Variants in MGAM2 observed in about 807,000 individuals in gnomAD.
MGAM2 encodes the protein maltase-glucoamylase 2 (putative).
A neutral mutation model predicts 96.1 loss-of-function variants in MGAM2; 98 were observed. That is an observed-to-expected ratio of 1.02 (90% CI 0.87 to 1.21). MGAM2 has a LOEUF of 1.21. Among genes scored for constraint, MGAM2 ranks in the 50% most tolerant of loss-of-function variants. The probability of loss-of-function intolerance (pLI) is 0.00; values close to 1 mark genes in which losing one functional copy is unlikely to be tolerated. For synonymous variants in MGAM2, 749 were observed against 414.8 expected (o/e 1.81, Z -9.79); for missense variants, 2,055 against 1,182.4 (o/e 1.74, Z -10.82).
chr7:142,167,315 TA>T lies in MGAM2; in HGVS notation c.2858del (p.Asn953IlefsTer10), dbSNP rs1476906058. Reference protein sequence around the residue: ...VPTCYYDTIPNYVASDIQYLN... With the variant: ...VPTCYYDTIPXYVASDIQYLN... ...CCACCTGTTACTATGACACCATCCC[TA>T]ATTATGTTGCTAGTGATATTCAGTA... On this transcript the variant is annotated frameshift_variant, in exon 26 of 48. Transcript: ENST00000477922. LOFTEE classifies it high-confidence loss of function. 1.3e-5 allele frequency: 9 copies of T among 702,676 alleles called. No homozygotes were observed. The highest frequency in any genetic ancestry group is 1.8e-5 in the Non-Finnish European group (7 of 384,902). 43.5% of individuals were successfully genotyped at this position (702,676 alleles called of 1,614,324 possible). A position where few individuals can be genotyped will look rare whatever the true frequency, so the allele number is the denominator to read the frequency against.
At chr7:142,216,640 G>C (rs1021181290) in intron 46 of MGAM2, among the ~76,000 whole-genome samples, 1 of 152,076 alleles carries the variant, frequency 6.6e-6, no homozygotes, top group South Asian at 2.1e-4. Context: ...GCATCAGCTG[G>C]CTTGCAAAAT....
In MGAM2 at chr7:142,220,022, C is replaced by T; in HGVS notation, c.5511C>T (p.Thr1837=). The T allele has an allele frequency of 2.8e-6, 2 of 702,936 alleles. No individual in the cohort carries two copies. Among genetic ancestry groups the T allele is most frequent in the Non-Finnish European group, 5.2e-6 (2 of 384,948 alleles). The allele number at this position is 702,936 out of a possible 1,614,324, so 43.5% of individuals were successfully genotyped here. A position where few individuals can be genotyped will look rare whatever the true frequency, so the allele number is the denominator to read the frequency against. Residue 1837 remains threonine (T), a synonymous_variant, in exon 48 of 48, where the codon ACC becomes ACT. Transcript: ENST00000477922. The part of the protein sequence containing the change: ...SHPSPSTTNA[T]SSETITSSAS... ...CTTCTCCATCTACTACCAATGCCAC[C>T]AGTTCTGAGACAATCACCAGTTCTG...
At chr7:142,171,693 CT>C (rs1796198862) in intron 28 of MGAM2, among the ~76,000 whole-genome samples, 1 of 139,260 alleles carries the variant, frequency 7.2e-6, no homozygotes, top group Non-Finnish European at 1.5e-5. Context: ...ATATTTCCCT[CT>C]GTCAGTTATG....
At chr7:142,144,137 G>A (rs1284735695) in intron 13 of MGAM2, among the ~76,000 whole-genome samples, 1 of 152,034 alleles carries the variant, frequency 6.6e-6, no homozygotes, top group Non-Finnish European at 1.5e-5. Context: ...CCATTAACTG[G>A]TTGTCAGCTT....
intron 7 of MGAM2, among the ~76,000 whole-genome samples, chr7:142,135,485 T>C (rs1333482083): frequency 2.6e-5 from 4 of 152,178 alleles, no homozygotes; most frequent in African/African-American, 9.7e-5. Flanking sequence ...GTCTGTATGC[T>C]ATCCAAGTGT....
chr7:142,115,342 G>A (rs1004554580), intron 1 of MGAM2, among the ~76,000 whole-genome samples: 7 of 152,210 alleles, frequency 4.6e-5, no homozygotes, highest in African/African-American at 1.2e-4. Flanking sequence ...AGTTACGTGC[G>A]GCAGCACAGA....
At chr7:142,114,098 T>G in intron 1 of MGAM2, among the ~76,000 whole-genome samples, 1 of 145,048 alleles carries the variant, frequency 6.9e-6, no homozygotes, top group African/African-American at 2.6e-5. Context: ...GCCACTGCAC[T>G]CCAGCCAGGG....
rs79163922 is a variant in MGAM2 at position 142,197,131 on chromosome 7, G to A, written c.4633-269G>A. Among the ~76,000 whole-genome samples, 1,272 of 152,300 alleles carry A rather than the reference G, an allele frequency of 8.4e-3. 83 individuals carry two copies. The East Asian group carries it at 0.17, about 20-fold the overall frequency. ...TTTTACTCAAATTCATCGAAGATAT[G>A]TTGGTGCTGCACGGAAACCTCTCTC... is the stretch of plus-strand genomic sequence containing the variant. On this transcript the variant is annotated intron_variant, in intron 40 of 47. Coordinates refer to ENST00000477922, the MANE Select transcript of MGAM2 (RefSeq NM_001293626.2).
chr7:142,175,003 G>A (rs1016173536), intron 31 of MGAM2, among the ~76,000 whole-genome samples: 1 of 152,254 alleles, frequency 6.6e-6, no homozygotes, highest in South Asian at 2.1e-4. Flanking sequence ...ACAGGCGTGA[G>A]CCACCGTGCC....
intron 32 of MGAM2, among the ~76,000 whole-genome samples, chr7:142,181,507 T>C (rs1203363719): frequency 6.6e-6 from 1 of 152,118 alleles, no homozygotes; most frequent in Non-Finnish European, 1.5e-5. Flanking sequence ...GTGGGGGAGA[T>C]GGGGGATCCA....
intron 4 of MGAM2, among the ~76,000 whole-genome samples, 159 bp downstream of exon 4, chr7:142,131,230 G>A (rs1459115379): frequency 2.0e-5 from 3 of 152,300 alleles, no homozygotes; most frequent in East Asian, 3.9e-4. Flanking sequence ...ATGAGGTCAG[G>A]AGTTCAAGAC....
rs528653689 is a variant in MGAM2 at position 142,185,661 on chromosome 7, TA to T, written c.3988-316del. On this transcript the variant is annotated intron_variant, in intron 34 of 47. Transcript: ENST00000477922. ...TGCTAATATCACACTGATATTTAAGTAAAAAAAAAAAAGAAAAAGTATTTGC... is the reference window on the plus strand; with the variant it reads ...TGCTAATATCACACTGATATTTAAGTAAAAAAAAAAAGAAAAAGTATTTGC... Among the ~76,000 whole-genome samples the T allele has an allele frequency of 6.5e-3, 923 of 141,130 alleles. 4 individuals carry two copies. The highest frequency in any genetic ancestry group is 8.8e-3 in the East Asian group (44 of 4,978). 92.6% of individuals were successfully genotyped at this position (141,130 alleles called of 152,430 possible).
intron 45 of MGAM2, among the ~76,000 whole-genome samples, chr7:142,201,461 T>A (rs1281666986): frequency 6.6e-6 from 1 of 152,198 alleles, no homozygotes; most frequent in African/African-American, 2.4e-5. Context: ...TGTCTTTTAA[T>A]CAACTTTAAA....
chr7:142,189,094 T>C (rs1303117646), intron 36 of MGAM2, among the ~76,000 whole-genome samples: 1 of 152,188 alleles, frequency 6.6e-6, no homozygotes, highest in Non-Finnish European at 1.5e-5. Context: ...GTTTATTATG[T>C]TGGCAAAAGG....
rs76107690 is a variant in MGAM2, at chr7:142,191,733, T to C, written c.4346+2228T>C. On this transcript the variant is annotated intron_variant, in intron 37 of 47. Transcript: ENST00000477922. ...CATTTGATATGAATTTTGTAATCAC[T>C]TTGTCAGTTTTGACAAAATAGCAAC... 8.8e-3 allele frequency among the ~76,000 whole-genome samples: 1,342 copies of C among 152,258 alleles called. 20 individuals are homozygous for C. The highest frequency in any genetic ancestry group is 0.031 in the African/African-American group (1,282 of 41,546).
chr7:142,183,329 G>A lies in MGAM2; in HGVS notation c.3880G>A (p.Val1294Met), dbSNP rs577938509. 1.7e-5 allele frequency: 12 copies of A among 703,276 alleles called. No homozygotes were observed. The highest frequency in any genetic ancestry group is 2.9e-5 in the Non-Finnish European group (11 of 384,962). 43.6% of individuals were successfully genotyped at this position (703,276 alleles called of 1,614,324 possible). Residue 1294 changes from valine (V) to methionine (M), a missense_variant, in exon 33 of 48, where the codon GTG becomes ATG. Coordinates refer to ENST00000477922, the MANE Select transcript of MGAM2 (RefSeq NM_001293626.2). ...LPFIRGQENN[V>M]FIKWPDTNDI... ...ATTCATTAGAGGACAGGAAAATAAC[G>A]TGTTCATCAAATGGCCTGACACCAA...
At chr7:142,174,524 TC>T (rs1796300311) in intron 31 of MGAM2, among the ~76,000 whole-genome samples, 1 of 152,066 alleles carries the variant, frequency 6.6e-6, no homozygotes, top group Non-Finnish European at 1.5e-5. Context: ...TGATTTTGTA[TC>T]CTGAGACTTT....
chr7:142,130,798 T>A, intron 3 of MGAM2, 150 bp from the exon 4 acceptor site: 2 of 583,182 alleles, frequency 3.4e-6, no homozygotes, highest in South Asian at 4.3e-5. Context: ...TTGGATAGAT[T>A]CATGAATAAA....
At chr7:142,169,929 C>G in intron 26 of MGAM2, 146 bp from the exon 27 acceptor site, 2 of 539,378 alleles carry the variant, frequency 3.7e-6, no homozygotes, top group South Asian at 5.5e-5. Flanking sequence ...GGCAGGCAGG[C>G]CTCACATCCA....
Sources: gnomAD v4.1 joint callset for allele counts (sites outside exome capture counted in the v4.1 genomes callset) on GRCh38, gnomAD v4.1.1 for gene constraint, MANE v1.5 for transcripts, NCBI Gene and HGNC (gene_info 2026-07-23, HGNC 2026-07-21) for gene names.